Variants in SERINC5 observed in about 807,000 individuals in gnomAD.
The protein encoded by SERINC5 is serine incorporator 5.
SERINC5 carries 41 observed loss-of-function variants against 63.1 expected under a neutral mutation model. The observed-to-expected ratio is 0.65, with a 90% CI of 0.51 to 0.84. The LOEUF is 0.84. SERINC5 is among the 40% of genes least tolerant of loss of function. The probability of loss-of-function intolerance (pLI) is 0.00; values close to 1 mark genes in which losing one functional copy is unlikely to be tolerated. For missense variants in SERINC5, 523 were observed against 573.0 expected (o/e 0.91, Z 0.89); for synonymous variants, 222 against 215.2 (o/e 1.03, Z -0.28).
intron 9 of SERINC5, among the ~76,000 whole-genome samples, chr5:80,150,319 G>A (rs1284540844): frequency 2.0e-5 from 3 of 152,178 alleles, no homozygotes; most frequent in African/African-American, 7.2e-5. Context: ...CCTCTGGTTG[G>A]GGGTGAGCGG....
chr5:80,163,000 G>A (rs191376184), intron 7 of SERINC5, among the ~76,000 whole-genome samples: 4 of 151,938 alleles, frequency 2.6e-5, no homozygotes, highest in Non-Finnish European at 5.9e-5. Context: ...TTACAGATGT[G>A]CACACCACTA....
chr5:80,195,137 T>C (rs758900591), intron 2 of SERINC5, among the ~76,000 whole-genome samples: 3 of 151,860 alleles, frequency 2.0e-5, no homozygotes, highest in South Asian at 4.2e-4. Context: ...AAATACAAAA[T>C]TAGCCGAGTG....
At chr5:80,159,620 G>C (rs1746760607) in intron 7 of SERINC5, among the ~76,000 whole-genome samples, 1 of 152,166 alleles carries the variant, frequency 6.6e-6, no homozygotes, top group African/African-American at 2.4e-5. Context: ...CTGGTCACCA[G>C]AAAGACCAAG....
At chr5:80,192,435 ATT>A (rs5869024) in intron 2 of SERINC5, among the ~76,000 whole-genome samples, 21 of 147,140 alleles carry the variant, frequency 1.4e-4, no homozygotes, top group East Asian at 4.0e-4. Context: ...CCCATATGTC[ATT>A]TTTTTTTTTT....
rs1452626205 is a variant in SERINC5 at position 80,146,223 on chromosome 5, G to C, written c.1105C>G (p.Gln369Glu). The C allele has an allele frequency of 2.5e-6, 4 of 1,613,936 alleles. No homozygotes were observed. Among genetic ancestry groups the C allele is most frequent in the Non-Finnish European group, 2.5e-6 (3 of 1,179,848 alleles). Residue 369 changes from glutamine (Q) to glutamate (E), a missense_variant, in exon 11 of 12, where the codon CAG becomes GAG. Coordinates refer to ENST00000507668, the MANE Select transcript of SERINC5 (RefSeq NM_001174072.3). ...FSPGGEDTEE[Q>E]QPGKEGPRVI... ...CGTGGTCCCTCCTTCCCCGGCTGCTGCTCTTCAGTGTCTGTGAAGCACAGA... is the reference window on the plus strand; with the variant it reads ...CGTGGTCCCTCCTTCCCCGGCTGCTCCTCTTCAGTGTCTGTGAAGCACAGA...
At chr5:80,131,894 A>G (rs1020003600) in intron 11 of SERINC5, among the ~76,000 whole-genome samples, 3 of 152,064 alleles carry the variant, frequency 2.0e-5, no homozygotes, top group Non-Finnish European at 2.9e-5. Context: ...ATTCTGTAAT[A>G]CTGTAAATTC....
rs547205800 is a variant in SERINC5, at chr5:80,237,402, T to C, written c.27+18494A>G. Among the ~76,000 whole-genome samples the C allele has an allele frequency of 5.3e-5, 8 of 152,090 alleles. No homozygotes were observed. The South Asian group carries it at 1.0e-3, about 20-fold the overall frequency. ...AGGCTGGGTTGCAGTGGTACAATCA[T>C]GGCTCACTGCAGCTTCAACTTCCCA... On this transcript the variant is annotated intron_variant, in intron 1 of 11. Transcript: ENST00000507668.
In SERINC5 at chr5:80,255,940, A is replaced by T; in HGVS notation, c.-18T>A. 6.5e-7 allele frequency: 1 copy of T among 1,542,434 alleles called. No individual in the cohort carries two copies. Among genetic ancestry groups the T allele is most frequent in the Non-Finnish European group, 8.7e-7 (1 of 1,153,384 alleles). ...GCTGACATCGCGGCGGCCAATGCCGAAGGCGCGCTCGCTGGCTCCCCGCGC... is the reference window on the plus strand; with the variant it reads ...GCTGACATCGCGGCGGCCAATGCCGTAGGCGCGCTCGCTGGCTCCCCGCGC... On this transcript the variant is annotated 5_prime_UTR_variant, in exon 1 of 12. Coordinates refer to ENST00000507668, the MANE Select transcript of SERINC5 (RefSeq NM_001174072.3).
At chr5:80,125,043 G>A (rs36056668) in intron 11 of SERINC5, among the ~76,000 whole-genome samples, 7,788 of 152,260 alleles carry the variant, frequency 0.051, 219 homozygotes, top group Non-Finnish European at 0.069. Flanking sequence ...CATGTGTCAC[G>A]TGCTAGACTC....
At chr5:80,148,140 G>GATT (rs1220285747) in intron 9 of SERINC5, among the ~76,000 whole-genome samples, 1 of 152,038 alleles carries the variant, frequency 6.6e-6, no homozygotes, top group East Asian at 1.9e-4. Flanking sequence ...CAGGGATGGA[G>GATT]GGAATGCTTG....
intron 2 of SERINC5, among the ~76,000 whole-genome samples, chr5:80,183,254 T>C (rs189289421): frequency 2.6e-5 from 4 of 152,286 alleles, no homozygotes; most frequent in Admixed American, 6.5e-5. Flanking sequence ...AAAGCTGTTT[T>C]GTTTTCTTCT....
At chr5:80,174,731 C>T (rs962777584) in intron 5 of SERINC5, among the ~76,000 whole-genome samples, 42 of 151,998 alleles carry the variant, frequency 2.8e-4, no homozygotes, top group Admixed American at 1.8e-3. Flanking sequence ...TTGAGTGTGG[C>T]TAATTCACAC....
intron 7 of SERINC5, among the ~76,000 whole-genome samples, chr5:80,159,298 A>G (rs1746736449): frequency 6.6e-6 from 1 of 152,184 alleles, no homozygotes; most frequent in Non-Finnish European, 1.5e-5. Context: ...AAAGAGAGGT[A>G]GGGTGCAGAT....
At chr5:80,178,233 A>G (rs1748170796) in intron 2 of SERINC5, among the ~76,000 whole-genome samples, 169 bp from the exon 3 acceptor site, 1 of 152,132 alleles carries the variant, frequency 6.6e-6, no homozygotes, top group Non-Finnish European at 1.5e-5. Context: ...TTTTCTCTGA[A>G]TCTTTTTTAA....
intron 1 of SERINC5, among the ~76,000 whole-genome samples, chr5:80,243,913 G>A (rs1032319620): frequency 5.9e-5 from 9 of 151,984 alleles, no homozygotes; most frequent in African/African-American, 1.2e-4. Context: ...AAAAGTAGAC[G>A]GTGGGGGAGC....
At chr5:80,229,050 T>TGGGGGGCGG (rs1174325559) in intron 1 of SERINC5, among the ~76,000 whole-genome samples, 1 of 94,104 alleles carries the variant, frequency 1.1e-5, no homozygotes, top group Non-Finnish European at 2.1e-5. Flanking sequence ...TTTTTTTTTT[T>TGGGGGGCGG]GGGGATGGAG....
At chr5:80,214,949 G>GA (rs890939847) in intron 1 of SERINC5, among the ~76,000 whole-genome samples, 18 of 149,256 alleles carry the variant, frequency 1.2e-4, no homozygotes, top group East Asian at 2.0e-4. Context: ...TACCCCGCAA[G>GA]AAAAAAAAAA....
chr5:80,182,434 T>C (rs556823358), intron 2 of SERINC5, among the ~76,000 whole-genome samples: 1 of 151,966 alleles, frequency 6.6e-6, no homozygotes, highest in South Asian at 2.1e-4. Flanking sequence ...TTATTCACCA[T>C]ACATTTCTTC....
intron 1 of SERINC5, among the ~76,000 whole-genome samples, chr5:80,248,564 A>G (rs902826800): frequency 4.6e-5 from 7 of 152,232 alleles, no homozygotes; most frequent in Non-Finnish European, 1.0e-4. Context: ...AAACCACAGA[A>G]AGCAAAACTG....
Sources: gnomAD v4.1 joint callset for allele counts (sites outside exome capture counted in the v4.1 genomes callset) on GRCh38, gnomAD v4.1.1 for gene constraint, MANE v1.5 for transcripts, NCBI Gene and HGNC (gene_info 2026-07-23, HGNC 2026-07-21) for gene names.